The following CSMD1 variants were observed in gnomAD, a reference collection of about 807,000 sequenced individuals.
CSMD1 encodes CUB and sushi domain-containing protein 1.
A neutral mutation model predicts 417.5 loss-of-function variants in CSMD1; 213 were observed. The ratio of observed to expected loss-of-function variants is 0.51; its 90% confidence interval spans 0.46 to 0.57. CSMD1 has a LOEUF of 0.57. Among genes scored for constraint, CSMD1 ranks in the 20% least tolerant of loss-of-function variants. CSMD1 has a pLI of 0.00. For synonymous variants in CSMD1, 2,862 were observed against 1,736.8 expected (o/e 1.65, Z -16.11); for missense variants, 6,923 against 4,529.7 (o/e 1.53, Z -15.17).
intron 1 of CSMD1, among the ~76,000 whole-genome samples, chr8:4,985,380 TAA>T (rs974427362): frequency 6.6e-6 from 1 of 151,552 alleles, no homozygotes; most frequent in Non-Finnish European, 1.5e-5. Context: ...AAGTTTTTTT[TAA>T]AAAAAAATGT....
intron 12 of CSMD1, among the ~76,000 whole-genome samples, chr8:3,439,637 A>ATG (rs1269069766): frequency 6.6e-6 from 1 of 151,928 alleles, no homozygotes; most frequent in Non-Finnish European, 1.5e-5. Flanking sequence ...TTTCTCCGAG[A>ATG]TGTTTTTCAT....
In CSMD1 at chr8:3,098,726, C is replaced by T. The variant is rs781643978; in HGVS notation, c.6950-1689G>A. Among the ~76,000 whole-genome samples the T allele has an allele frequency of 2.6e-5, 4 of 152,036 alleles. 1 individual carries two copies. The highest frequency in any genetic ancestry group is 5.9e-5 in the Non-Finnish European group (4 of 67,990). ...AAGAAAAAATAATGAAATTAGGGTC[C>T]GTGCCTGTGTATATCTGTGCAGGCT... On this transcript the variant is annotated intron_variant, in intron 46 of 69. Transcript: ENST00000635120.
At position 3,446,082 on chromosome 8, in the gene CSMD1, A is replaced by G. The variant is rs116219667; in HGVS notation, c.1561+22630T>C. Among the ~76,000 whole-genome samples, 1,098 of 152,328 alleles carry G rather than the reference A, an allele frequency of 7.2e-3. 14 individuals are homozygous for G. Among genetic ancestry groups the G allele is most frequent in the African/African-American group, 0.025 (1,031 of 41,572 alleles). On this transcript the variant is annotated intron_variant, in intron 12 of 69. Coordinates refer to ENST00000635120, the MANE Select transcript of CSMD1 (RefSeq NM_033225.6). ...GTGAACAGTCTGGAAAGATAACAGTAAAGTTGAAATGGACTAAAAACTAAT... is the reference window on the plus strand; with the variant it reads ...GTGAACAGTCTGGAAAGATAACAGTGAAGTTGAAATGGACTAAAAACTAAT...
intron 2 of CSMD1, among the ~76,000 whole-genome samples, chr8:4,492,021 T>A (rs1801728193): frequency 6.7e-6 from 1 of 150,242 alleles, no homozygotes; most frequent in African/African-American, 2.5e-5. Context: ...CATAGTGGAA[T>A]ATTATTCAGC....
At chr8:3,456,399 G>A (rs1182262069) in intron 12 of CSMD1, among the ~76,000 whole-genome samples, 1 of 152,118 alleles carries the variant, frequency 6.6e-6, no homozygotes, top group Non-Finnish European at 1.5e-5. Context: ...CACGCTGGGA[G>A]CTGTAGACTG....
chr8:4,303,469 C>T (rs1476431339), intron 3 of CSMD1, among the ~76,000 whole-genome samples: 1 of 83,102 alleles, frequency 1.2e-5, no homozygotes, highest in East Asian at 3.8e-4. Context: ...GTTCTCTGTG[C>T]TGAGCTCATG....
intron 3 of CSMD1, among the ~76,000 whole-genome samples, chr8:4,077,086 A>G (rs927890056): frequency 2.0e-5 from 3 of 151,866 alleles, no homozygotes; most frequent in African/African-American, 4.8e-5. Flanking sequence ...CATAAATGAT[A>G]TATATTTTAA....
chr8:3,534,977 T>G (rs1340652004), intron 10 of CSMD1, among the ~76,000 whole-genome samples: 1 of 152,322 alleles, frequency 6.6e-6, no homozygotes, highest in East Asian at 1.9e-4. Flanking sequence ...TGACAGCATC[T>G]GGCTTTGTCG....
intron 26 of CSMD1, among the ~76,000 whole-genome samples, chr8:3,254,659 G>A (rs754248607): frequency 1.6e-4 from 24 of 152,016 alleles, no homozygotes; most frequent in Non-Finnish European, 2.8e-4. Flanking sequence ...CTAGTTGACC[G>A]AATTGGCTAT....
At chr8:4,554,582 A>G (rs1014431222) in intron 2 of CSMD1, among the ~76,000 whole-genome samples, 4 of 152,210 alleles carry the variant, frequency 2.6e-5, no homozygotes, top group Admixed American at 1.3e-4. Flanking sequence ...GCTGTATATG[A>G]CATTTAAATA....
chr8:4,839,137 G>T (rs988039890), intron 1 of CSMD1, among the ~76,000 whole-genome samples: 6 of 152,238 alleles, frequency 3.9e-5, no homozygotes, highest in South Asian at 2.1e-4. Context: ...TTCAAAAGCT[G>T]TGTGTCGTAA....
intron 3 of CSMD1, among the ~76,000 whole-genome samples, chr8:4,280,516 G>A (rs73660728): frequency 9.2e-5 from 14 of 152,240 alleles, no homozygotes; most frequent in African/African-American, 3.4e-4. Context: ...AAATATACAA[G>A]CAAATTGTTT....
chr8:3,162,535 C>T (rs901272916), intron 37 of CSMD1, among the ~76,000 whole-genome samples: 18 of 152,030 alleles, frequency 1.2e-4, no homozygotes, highest in Non-Finnish European at 2.1e-4. Flanking sequence ...TTTGTTACTT[C>T]CACATTGAGT....
intron 12 of CSMD1, among the ~76,000 whole-genome samples, chr8:3,425,121 T>G (rs1039973152): frequency 2.0e-5 from 3 of 152,184 alleles, no homozygotes; most frequent in African/African-American, 7.2e-5. Context: ...ATGCTTGTCC[T>G]ATTTTATCAT....
chr8:3,917,562 G>A (rs1283703368), intron 5 of CSMD1, among the ~76,000 whole-genome samples: 2 of 151,910 alleles, frequency 1.3e-5, no homozygotes, highest in African/African-American at 2.4e-5. Flanking sequence ...TTTTGAAACT[G>A]CAAAATATTT....
At chr8:3,220,847 CCAACCAACCAAG>C (rs1424096746) in intron 28 of CSMD1, among the ~76,000 whole-genome samples, 3 of 152,116 alleles carry the variant, frequency 2.0e-5, no homozygotes, top group East Asian at 1.9e-4. Flanking sequence ...AACCAATCAA[CCAACCAACCAAG>C]CAACCAACCA....
chr8:4,663,124 C>A (rs1042395281), intron 1 of CSMD1, among the ~76,000 whole-genome samples: 21 of 152,254 alleles, frequency 1.4e-4, no homozygotes, highest in Admixed American at 3.9e-4. Flanking sequence ...CTTAGGACGC[C>A]ACGGAGAAGG....
intron 3 of CSMD1, among the ~76,000 whole-genome samples, chr8:4,273,650 G>A (rs905337723): frequency 2.6e-5 from 4 of 152,122 alleles, no homozygotes; most frequent in South Asian, 4.1e-4. Context: ...CTCTAATAGA[G>A]AGCAGTAATC....
chr8:4,516,872 C>G (rs1312605084), intron 2 of CSMD1, among the ~76,000 whole-genome samples: 1 of 151,840 alleles, frequency 6.6e-6, no homozygotes, highest in African/African-American at 2.4e-5. Context: ...TATACTAGCT[C>G]TAGGGTGAAT....
Sources: gnomAD v4.1 joint callset for allele counts (sites outside exome capture counted in the v4.1 genomes callset) on GRCh38, gnomAD v4.1.1 for gene constraint, MANE v1.5 for transcripts, NCBI Gene and HGNC (gene_info 2026-07-23, HGNC 2026-07-21) for gene names.